Variants in TEX2 observed in about 807,000 individuals in gnomAD.
The protein encoded by TEX2 is testis expressed 2.
In TEX2, 53 loss-of-function variants were observed where a neutral mutation model predicts 106.9. That is an observed-to-expected ratio of 0.50 (90% CI 0.40 to 0.62). The LOEUF (loss-of-function observed/expected upper bound fraction) is 0.62. Among genes scored for constraint, TEX2 ranks in the 20% least tolerant of loss-of-function variants. The probability of loss-of-function intolerance (pLI) is 0.00; values close to 1 mark genes in which losing one functional copy is unlikely to be tolerated. For synonymous variants in TEX2, 523 were observed against 534.8 expected (o/e 0.98, Z 0.30); for missense variants, 1,207 against 1,379.0 (o/e 0.88, Z 1.98).
intron 1 of TEX2, among the ~76,000 whole-genome samples, chr17:64,228,489 T>G (rs2033568572): frequency 6.6e-6 from 1 of 152,168 alleles, no homozygotes; most frequent in Non-Finnish European, 1.5e-5. Context: ...AAGCATTAGA[T>G]TCTCATAAGG....
At chr17:64,189,013 T>C (rs1371894276) in intron 4 of TEX2, among the ~76,000 whole-genome samples, 2 of 152,214 alleles carry the variant, frequency 1.3e-5, no homozygotes, top group Middle Eastern at 6.8e-3. Context: ...GACCAACACA[T>C]CCCAAGTAGT....
chr17:64,209,348 A>C (rs1246296283), intron 2 of TEX2, among the ~76,000 whole-genome samples: 1 of 152,250 alleles, frequency 6.6e-6, no homozygotes, highest in Non-Finnish European at 1.5e-5. Flanking sequence ...TTTTCTAAAT[A>C]GAGAATGCAT....
chr17:64,148,559 T>G lies in TEX2; in HGVS notation c.*410A>C. The G allele has an allele frequency of 6.0e-6, 1 of 166,982 alleles. No homozygotes were observed. Among genetic ancestry groups the G allele is most frequent in the Non-Finnish European group, 1.3e-5 (1 of 77,382 alleles). 10.3% of individuals were successfully genotyped at this position (166,982 alleles called of 1,614,324 possible). ...GAAGTGTGGAAGGCCGCATACAAAG[T>G]ATAGAAGTGAAAAAGTCCACTGTGC... On this transcript the variant is annotated 3_prime_UTR_variant, in exon 12 of 12. Transcript: ENST00000584379.
At chr17:64,218,241 G>A (rs1555632857) in intron 1 of TEX2, among the ~76,000 whole-genome samples, 1 of 151,414 alleles carries the variant, frequency 6.6e-6, no homozygotes, top group African/African-American at 2.4e-5. Context: ...GTGAGACTCT[G>A]ACTCCAGAAA....
chr17:64,256,132 T>C (rs1477161761), intron 1 of TEX2: 1 of 152,244 alleles, frequency 6.6e-6, no homozygotes, highest in East Asian at 1.9e-4. Flanking sequence ...TGTCTTAGTT[T>C]TACCTTCTGC....
chr17:64,188,598 C>T (rs1490085237), intron 4 of TEX2, 183 bp from the exon 5 acceptor site: 14 of 895,642 alleles, frequency 1.6e-5, no homozygotes, highest in Non-Finnish European at 2.1e-5. Context: ...GGGCGGATCA[C>T]GAGGTCAGGA....
chr17:64,231,194 C>T (rs2033646402), intron 1 of TEX2, among the ~76,000 whole-genome samples: 1 of 152,206 alleles, frequency 6.6e-6, no homozygotes, highest in Non-Finnish European at 1.5e-5. Flanking sequence ...CCAAACAGTA[C>T]AGAAGGTGAC....
chr17:64,166,523 A>T (rs1660654298), intron 7 of TEX2, among the ~76,000 whole-genome samples: 1 of 152,232 alleles, frequency 6.6e-6, no homozygotes, highest in African/African-American at 2.4e-5. Flanking sequence ...GCTTTGGCTC[A>T]TACACACATG....
In TEX2 at chr17:64,148,297, T is replaced by C. The variant is rs1201725868; in HGVS notation, c.*672A>G. Reference sequence around the variant, plus strand: ...CTAGCCCCCAGGTGGTTGTACCTCATTGGTGAAAGGCTTGGGATGGTTTGA... The same window carrying C: ...CTAGCCCCCAGGTGGTTGTACCTCACTGGTGAAAGGCTTGGGATGGTTTGA... On this transcript the variant is annotated 3_prime_UTR_variant, in exon 12 of 12. Coordinates refer to ENST00000584379, the MANE Select transcript of TEX2 (RefSeq NM_001288732.2). The C allele has an allele frequency of 6.5e-6, 1 of 152,704 alleles. No individual in the cohort carries two copies. Among genetic ancestry groups the C allele is most frequent in the Non-Finnish European group, 1.5e-5 (1 of 68,068 alleles). 9.5% of individuals were successfully genotyped at this position (152,704 alleles called of 1,614,324 possible). A position where few individuals can be genotyped will look rare whatever the true frequency, so the allele number is the denominator to read the frequency against.
chr17:64,233,645 G>A (rs756686944), intron 1 of TEX2, among the ~76,000 whole-genome samples: 13 of 152,138 alleles, frequency 8.5e-5, no homozygotes, highest in Non-Finnish European at 1.8e-4. Flanking sequence ...AATTCAGGTG[G>A]AGATATAGTA....
At chr17:64,227,829 C>T (rs1030904534) in intron 1 of TEX2, among the ~76,000 whole-genome samples, 3 of 152,164 alleles carry the variant, frequency 2.0e-5, no homozygotes, top group Non-Finnish European at 2.9e-5. Context: ...GAAGATTAAA[C>T]GAAACAACTT....
chr17:64,206,909 G>A (rs542321645), intron 2 of TEX2, among the ~76,000 whole-genome samples: 3 of 152,216 alleles, frequency 2.0e-5, no homozygotes, highest in East Asian at 1.9e-4. Flanking sequence ...GATCAAATGG[G>A]TTCAGAGCGG....
At chr17:64,201,744 C>A (rs1401489598) in intron 2 of TEX2, among the ~76,000 whole-genome samples, 1 of 152,202 alleles carries the variant, frequency 6.6e-6, no homozygotes, top group Non-Finnish European at 1.5e-5. Flanking sequence ...AGGCTCAGTT[C>A]TCTGGTACTC....
At chr17:64,177,761 G>A (rs146090418) in intron 5 of TEX2, among the ~76,000 whole-genome samples, 3 of 152,236 alleles carry the variant, frequency 2.0e-5, no homozygotes, top group African/African-American at 4.8e-5. Context: ...ACTGCTCTGC[G>A]TCCAAATTAG....
At chr17:64,168,901 G>GTTTTTT (rs1232809947) in intron 7 of TEX2, among the ~76,000 whole-genome samples, 1 of 35,240 alleles carries the variant, frequency 2.8e-5, no homozygotes, top group African/African-American at 1.0e-4. Flanking sequence ...CATAGATGGT[G>GTTTTTT]CTTTTTTTTT....
chr17:64,229,572 A>AT (rs1282668744), intron 1 of TEX2, among the ~76,000 whole-genome samples: 1 of 150,818 alleles, frequency 6.6e-6, no homozygotes, highest in Non-Finnish European at 1.5e-5. Context: ...TGGCTTCTGG[A>AT]TTTTTTTACA....
intron 5 of TEX2, among the ~76,000 whole-genome samples, chr17:64,180,626 G>A (rs1384163957): frequency 6.6e-6 from 1 of 152,230 alleles, no homozygotes; most frequent in African/African-American, 2.4e-5. Flanking sequence ...TTGCCATTTG[G>A]CTATAGGATG....
At chr17:64,236,120 C>T (rs565273996) in intron 1 of TEX2, among the ~76,000 whole-genome samples, 34 of 151,954 alleles carry the variant, frequency 2.2e-4, no homozygotes, top group African/African-American at 7.2e-4. Context: ...CCACAGGTTC[C>T]ACATCCGCAG....
chr17:64,162,439 A>G (rs1385220940), intron 7 of TEX2, among the ~76,000 whole-genome samples: 2 of 152,236 alleles, frequency 1.3e-5, no homozygotes, highest in African/African-American at 4.8e-5. Flanking sequence ...TAGTTACTAT[A>G]TACATCCAAA....
Sources: gnomAD v4.1 joint callset for allele counts (sites outside exome capture counted in the v4.1 genomes callset) on GRCh38, gnomAD v4.1.1 for gene constraint, MANE v1.5 for transcripts, NCBI Gene and HGNC (gene_info 2026-07-23, HGNC 2026-07-21) for gene names.